The following CASD1 variants were observed in gnomAD, a reference collection of about 807,000 sequenced individuals.
CASD1 encodes CAS1 domain sialic acid O acetyltransferase 1, also known as N-acetylneuraminate (7)9-O-acetyltransferase.
In CASD1, 41 loss-of-function variants were observed where a neutral mutation model predicts 100.0. The ratio of observed to expected loss-of-function variants is 0.41; its 90% confidence interval spans 0.32 to 0.53. CASD1 has a LOEUF of 0.53. Ranked by LOEUF, CASD1 falls within the 20% of genes least tolerant of loss-of-function variation. The pLI is 0.25. For synonymous variants in CASD1, 321 were observed against 315.6 expected, an observed-to-expected ratio of 1.02 and a Z score of -0.18; for missense variants, 774 against 948.7, an observed-to-expected ratio of 0.82 and a Z score of 2.42.
At chr7:94,524,592 T>G (rs981440410) in intron 3 of CASD1, among the ~76,000 whole-genome samples, 1 of 152,128 alleles carries the variant, frequency 6.6e-6, no homozygotes, top group Non-Finnish European at 1.5e-5. Flanking sequence ...GCGTTATCAT[T>G]TGATGGTGAA....
chr7:94,585,499 T>G, the CASD1 span: 3 of 1,606,352 alleles, frequency 1.9e-6, no homozygotes, highest in South Asian at 3.3e-5. Flanking sequence ...TTTTCTTTCT[T>G]CAGGGATACC....
At chr7:94,545,944 T>C (rs1317774279) in intron 12 of CASD1, among the ~76,000 whole-genome samples, 1 of 152,026 alleles carries the variant, frequency 6.6e-6, no homozygotes, top group Non-Finnish European at 1.5e-5. Flanking sequence ...TTTTTAAATT[T>C]AAATTCTTCA....
downstream of CASD1, among the ~76,000 whole-genome samples, chr7:94,557,721 A>G (rs972138235): frequency 1.3e-5 from 2 of 151,852 alleles, no homozygotes; most frequent in Non-Finnish European, 2.9e-5. Flanking sequence ...ACTTGTTCTT[A>G]TTTAATATAA....
rs1050853649 is a variant in CASD1 at position 94,509,881 on chromosome 7, G to A, written c.-204G>A. ...GCGGCGGGGCTGGGGGGAGGCCGCC[G>A]AGTCGGCCGCGGCCGAGGAGGGGCA... On this transcript the variant is annotated 5_prime_UTR_variant, in exon 1 of 18. Coordinates refer to ENST00000297273, the MANE Select transcript of CASD1 (RefSeq NM_022900.5). 5.8e-6 allele frequency: 6 copies of A among 1,043,002 alleles called. No individual in the cohort carries two copies. Among genetic ancestry groups the A allele is most frequent in the African/African-American group, 1.7e-5 (1 of 58,506 alleles). 64.6% of individuals were successfully genotyped at this position (1,043,002 alleles called of 1,614,324 possible). A position where few individuals can be genotyped will look rare whatever the true frequency, so the allele number is the denominator to read the frequency against.
chr7:94,632,191 C>T, the CASD1 span, among the ~76,000 whole-genome samples: 2 of 151,848 alleles, frequency 1.3e-5, no homozygotes, highest in African/African-American at 4.8e-5. Flanking sequence ...AGCTAGCTAA[C>T]AAAGCAAAAT....
chr7:94,629,746 C>T, the CASD1 span: 15 of 1,611,140 alleles, frequency 9.3e-6, no homozygotes, highest in Non-Finnish European at 1.2e-5. Context: ...GGAAATTCCC[C>T]CTTAAAATAT....
At chr7:94,585,559 A>T in the CASD1 span, 3 of 1,363,456 alleles carry the variant, frequency 2.2e-6, no homozygotes, top group East Asian at 4.6e-5. Context: ...TAGTCAGGGC[A>T]TGGATACTTT....
the CASD1 span, among the ~76,000 whole-genome samples, chr7:94,574,797 C>T: frequency 6.6e-6 from 1 of 151,976 alleles, no homozygotes; most frequent in Admixed American, 6.6e-5. Flanking sequence ...GGTGAAACCC[C>T]GCCTCTACTA....
intron 7 of CASD1, 28 bp downstream of exon 7, chr7:94,533,830 A>T: frequency 6.6e-7 from 1 of 1,516,154 alleles, no homozygotes; most frequent in East Asian, 2.5e-5. Context: ...AAAAAATGTC[A>T]CTTTGTGTAT....
the CASD1 span, among the ~76,000 whole-genome samples, chr7:94,564,080 G>A: frequency 1.4e-5 from 2 of 144,172 alleles, no homozygotes; most frequent in Non-Finnish European, 3.0e-5. Context: ...TTATGACACA[G>A]CAAAAGAGTT....
At chr7:94,633,375 T>A in the CASD1 span, among the ~76,000 whole-genome samples, 42 of 152,262 alleles carry the variant, frequency 2.8e-4, no homozygotes, top group African/African-American at 5.5e-4. Flanking sequence ...CAGAATTTTT[T>A]AAGTAATAAT....
At chr7:94,529,294 A>G (rs1272997446) in intron 5 of CASD1, among the ~76,000 whole-genome samples, 1 of 152,184 alleles carries the variant, frequency 6.6e-6, no homozygotes, top group Non-Finnish European at 1.5e-5. Context: ...TTAATACACT[A>G]CAATTTGTAA....
chr7:94,524,792 T>G (rs1319554615), intron 3 of CASD1, among the ~76,000 whole-genome samples: 1 of 151,506 alleles, frequency 6.6e-6, no homozygotes, highest in Non-Finnish European at 1.5e-5. Context: ...ATTGATAAAC[T>G]GACTGAGCTG....
the CASD1 span, among the ~76,000 whole-genome samples, chr7:94,580,982 C>A: frequency 6.6e-6 from 1 of 152,268 alleles, no homozygotes; most frequent in East Asian, 1.9e-4. Flanking sequence ...TTTGGTATTA[C>A]AGGATCAGGA....
At chr7:94,609,564 A>G in the CASD1 span, among the ~76,000 whole-genome samples, 6 of 152,220 alleles carry the variant, frequency 3.9e-5, no homozygotes, top group Non-Finnish European at 8.8e-5. Context: ...CAGAGACCTT[A>G]ACAGACACCT....
chr7:94,629,548 T>C, the CASD1 span: 2 of 639,346 alleles, frequency 3.1e-6, no homozygotes, highest in African/African-American at 1.9e-5. Flanking sequence ...ATTATTTTTG[T>C]CTGTAATTAA....
rs2116442601 is a variant in CASD1, at chr7:94,556,235, T to C, written c.*477T>C. ...TTCTTACTCAAGAATGACGGCAGTA[T>C]TGTTTTCTTATATGTGCAATGAAGT... is the stretch of plus-strand genomic sequence containing the variant. On this transcript the variant is annotated 3_prime_UTR_variant, in exon 18 of 18. Transcript: ENST00000297273. 6.5e-6 allele frequency: 1 copy of C among 154,796 alleles called. No individual in the cohort carries two copies. The highest frequency in any genetic ancestry group is 2.0e-4 in the South Asian group (1 of 5,010). The allele number at this position is 154,796 out of a possible 1,614,324, so 9.6% of individuals were successfully genotyped here.
Position 94,535,371 on chromosome 7 carries a change from G to A in CASD1, c.691G>A (p.Ala231Thr). The A allele has an allele frequency of 6.2e-7, 1 of 1,613,498 alleles. No homozygotes were observed. Among genetic ancestry groups the A allele is most frequent in the Non-Finnish European group, 8.5e-7 (1 of 1,179,656 alleles). ...RKMITNEKID[A>T]YNEAAVSILN... ...GATGATCACTAATGAGAAGATAGATGCTTACAATGAAGCTGCAGTCAGTAT... is the reference window on the plus strand; with the variant it reads ...GATGATCACTAATGAGAAGATAGATACTTACAATGAAGCTGCAGTCAGTAT... The change falls in exon 8 of 18, where the codon GCT becomes ACT. Residue 231 changes from alanine (A) to threonine (T), a missense_variant. By Grantham distance (58) the Ala-to-Thr change is moderately conservative. Around this residue, in one of 5 missense-constraint regions of CASD1, gnomAD observed 453 missense variants for 532.6 expected, o/e 0.85. Transcript: ENST00000297273.
At chr7:94,622,857 GTTTA>G in the CASD1 span, among the ~76,000 whole-genome samples, 1 of 152,050 alleles carries the variant, frequency 6.6e-6, no homozygotes, top group South Asian at 2.1e-4. Context: ...CTAAGTTATG[GTTTA>G]TTTGTTTTCC....
Sources: allele counts gnomAD v4.1 joint callset (sites outside exome capture counted in the v4.1 genomes callset), GRCh38; gene constraint gnomAD v4.1.1; regional missense constraint gnomAD v4.1.1; transcripts MANE v1.5; gene names NCBI Gene and HGNC (gene_info 2026-07-23, HGNC 2026-07-21).